The following PUM2 variants were observed in gnomAD, a reference collection of about 807,000 sequenced individuals.
PUM2 encodes the protein pumilio RNA binding family member 2.
Under a neutral mutation model 124.5 loss-of-function variants are expected in PUM2, and 57 were observed. The ratio of observed to expected loss-of-function variants is 0.46; its 90% CI spans 0.37 to 0.57. The LOEUF (loss-of-function observed/expected upper bound fraction) is 0.57, where lower values mean the gene tolerates loss of function less well. Among genes scored for constraint, PUM2 ranks in the 20% least tolerant of loss-of-function variants. The pLI is 0.00. For missense variants in PUM2, 1,065 were observed against 1,290.6 expected (o/e 0.83, Z 2.68); for synonymous variants, 460 against 446.1 (o/e 1.03, Z -0.39).
At chr2:20,282,707 G>A (rs1250722382) in intron 12 of PUM2, among the ~76,000 whole-genome samples, 1 of 152,050 alleles carries the variant, frequency 6.6e-6, no homozygotes, top group African/African-American at 2.4e-5. Context: ...AATTCCTAGA[G>A]CCAGGGAAAA....
At chr2:20,336,863 C>T (rs1283047225) in intron 1 of PUM2, among the ~76,000 whole-genome samples, 1 of 151,130 alleles carries the variant, frequency 6.6e-6, no homozygotes, top group East Asian at 1.9e-4. Flanking sequence ...TTCAAGTAAT[C>T]CTTCCACCTC....
At position 20,250,135 on chromosome 2, in the gene PUM2, C is replaced by T. The variant is rs531055637; in HGVS notation, c.*1450G>A. 1.3e-5 allele frequency: 2 copies of T among 152,492 alleles called. No homozygotes were observed. The highest frequency in any genetic ancestry group is 2.9e-5 in the Non-Finnish European group (2 of 68,010). 9.4% of individuals were successfully genotyped at this position (152,492 alleles called of 1,614,324 possible). A position where few individuals can be genotyped will look rare whatever the true frequency, so the allele number is the denominator to read the frequency against. ...TCCATGGTAACCAAATATCTCAGTC[C>T]AATACTTTCTATTATGCACAATACC... On this transcript the variant is annotated 3_prime_UTR_variant, in exon 21 of 21. Coordinates refer to ENST00000361078, the MANE Select transcript of PUM2 (RefSeq NM_015317.5).
intron 10 of PUM2, among the ~76,000 whole-genome samples, chr2:20,286,049 C>T (rs1195130192): frequency 6.6e-5 from 10 of 152,128 alleles, no homozygotes; most frequent in Non-Finnish European, 1.3e-4. Flanking sequence ...GTAAGACAGG[C>T]AACAAGGGGC....
At chr2:20,314,779 T>A (rs1236268654) in intron 3 of PUM2, among the ~76,000 whole-genome samples, 1 of 152,212 alleles carries the variant, frequency 6.6e-6, no homozygotes, top group African/African-American at 2.4e-5. Flanking sequence ...TATTGATTCA[T>A]TCTCTTGTAT....
chr2:20,260,517 G>A lies in PUM2; in HGVS notation c.2226-51C>T, dbSNP rs76762783. The A allele has an allele frequency of 1.4e-3, 2,032 of 1,493,170 alleles. 35 individuals carry two copies. The African/African-American group carries it at 0.026, about 19-fold the overall frequency. The allele number at this position is 1,493,170 out of a possible 1,614,324, so 92.5% of individuals were successfully genotyped here. ...ACAATATGTTTTTTAATACACTTGA[G>A]TATTACACCCTACCCTTCCACATAT... is the stretch of plus-strand genomic sequence containing the variant. On this transcript the variant is annotated intron_variant, in intron 14 of 20. Coordinates refer to ENST00000361078, the MANE Select transcript of PUM2 (RefSeq NM_015317.5).
intron 17 of PUM2, 23 bp downstream of exon 17, chr2:20,256,010 T>G: frequency 1.3e-6 from 2 of 1,512,338 alleles, no homozygotes; most frequent in Non-Finnish European, 1.8e-6. Flanking sequence ...GCTAACAAAT[T>G]ATAAGCCAAA....
intron 1 of PUM2, among the ~76,000 whole-genome samples, chr2:20,337,168 C>CAA (rs144728036): frequency 2.0e-4 from 29 of 146,374 alleles, no homozygotes; most frequent in African/African-American, 7.2e-4. Context: ...GCCTAAATGT[C>CAA]AAAAAAAAAA....
At chr2:20,267,563 A>T (rs1384280101) in intron 13 of PUM2, among the ~76,000 whole-genome samples, 1 of 152,230 alleles carries the variant, frequency 6.6e-6, no homozygotes, top group Middle Eastern at 3.2e-3. Context: ...AAAAGCAGCT[A>T]TGTTCTGCAC....
At chr2:20,330,187 T>C (rs10153828) in intron 1 of PUM2, among the ~76,000 whole-genome samples, 5,358 of 152,242 alleles carry the variant, frequency 0.035, 93 homozygotes, top group Middle Eastern at 0.068. Context: ...GATTTTAAAG[T>C]GCTGAAAGGA....
chr2:20,289,328 C>G (rs1045110637), intron 10 of PUM2, among the ~76,000 whole-genome samples: 1 of 152,110 alleles, frequency 6.6e-6, no homozygotes, highest in Non-Finnish European at 1.5e-5. Flanking sequence ...CATAACTCCT[C>G]TCTCCGTTCT....
intron 12 of PUM2, among the ~76,000 whole-genome samples, chr2:20,279,597 T>C (rs1055565320): frequency 6.6e-6 from 1 of 152,176 alleles, no homozygotes; most frequent in African/African-American, 2.4e-5. Context: ...ATACACAATT[T>C]CTCTTACTTT....
chr2:20,293,279 G>A (rs1199795473), intron 9 of PUM2, among the ~76,000 whole-genome samples: 1 of 152,114 alleles, frequency 6.6e-6, no homozygotes, highest in Non-Finnish European at 1.5e-5. Context: ...ATCAAACACA[G>A]GTGTGTATAT....
chr2:20,324,835 C>G (rs1366434284), intron 2 of PUM2, among the ~76,000 whole-genome samples: 1 of 151,616 alleles, frequency 6.6e-6, no homozygotes, highest in Non-Finnish European at 1.5e-5. Flanking sequence ...AGATGTAACA[C>G]TTTGTACATT....
rs1256028622 is a variant in PUM2, at chr2:20,350,356, G to A, written c.-19+241C>T. The A allele has an allele frequency of 1.6e-5, 10 of 627,134 alleles. No homozygotes were observed. The South Asian group carries it at 2.8e-4, about 18-fold the overall frequency. The allele number at this position is 627,134 out of a possible 1,614,324, so 38.8% of individuals were successfully genotyped here. Reference sequence around the variant, plus strand: ...CCCCGAGGCGGCGGCCCCGCAGAGGGAAGGAAGCGGGAAAGCGGCCGGCGC... The same window carrying A: ...CCCCGAGGCGGCGGCCCCGCAGAGGAAAGGAAGCGGGAAAGCGGCCGGCGC... On this transcript the variant is annotated intron_variant, in intron 1 of 20. Transcript: ENST00000361078.
intron 7 of PUM2, among the ~76,000 whole-genome samples, chr2:20,301,157 T>C (rs1322425054): frequency 6.6e-6 from 1 of 152,206 alleles, no homozygotes; most frequent in Non-Finnish European, 1.5e-5. Context: ...CCCAACCACC[T>C]TGGGCACATG....
At chr2:20,351,118 A>G (rs1689297480), upstream of PUM2, among the ~76,000 whole-genome samples, 1 of 152,094 alleles carries the variant, frequency 6.6e-6, no homozygotes, top group Admixed American at 6.5e-5. Context: ...CTGTTGCCAA[A>G]CGCTGTGTTC....
chr2:20,311,059 T>C (rs992402207), intron 5 of PUM2, among the ~76,000 whole-genome samples: 4 of 152,174 alleles, frequency 2.6e-5, no homozygotes, highest in Middle Eastern at 3.4e-3. Context: ...TAAGCTAATT[T>C]TGTCTCCTCT....
At chr2:20,290,295 T>A (rs1367067465) in intron 10 of PUM2, among the ~76,000 whole-genome samples, 1 of 152,218 alleles carries the variant, frequency 6.6e-6, no homozygotes. Flanking sequence ...ATTATTCTTA[T>A]AAAGCAGGAG....
chr2:20,351,720 G>C (rs555971903), upstream of PUM2, among the ~76,000 whole-genome samples: 1 of 152,290 alleles, frequency 6.6e-6, no homozygotes, highest in East Asian at 1.9e-4. Flanking sequence ...TTGATGGTTT[G>C]TTTGCACAGC....
Sources: gnomAD v4.1 joint callset for allele counts (sites outside exome capture counted in the v4.1 genomes callset) on GRCh38, gnomAD v4.1.1 for gene constraint, MANE v1.5 for transcripts, NCBI Gene and HGNC (gene_info 2026-07-23, HGNC 2026-07-21) for gene names.